The following TRIO variants were observed in gnomAD, a reference collection of about 807,000 sequenced individuals.
TRIO encodes the protein triple functional domain protein.
In TRIO, 58 loss-of-function variants were observed where a neutral mutation model predicts 351.9. The ratio of observed to expected loss-of-function variants is 0.16; its 90% CI spans 0.13 to 0.21. TRIO has a LOEUF of 0.21. Ranked by LOEUF, TRIO falls within the 10% of genes least tolerant of loss-of-function variation. The pLI is 1.00. For missense variants in TRIO, 3,201 were observed against 4,027.8 expected (o/e 0.79, Z 5.56); for synonymous variants, 1,758 against 1,595.7 (o/e 1.10, Z -2.42).
intron 48 of TRIO, chr5:14,488,941 A>T (rs750422201): frequency 3.9e-6 from 3 of 763,756 alleles, no homozygotes; most frequent in Non-Finnish European, 7.2e-6. Flanking sequence ...CCCATCACTC[A>T]TGCTGCCGTC....
chr5:14,459,459 C>T (rs1218185282), intron 34 of TRIO, among the ~76,000 whole-genome samples: 3 of 152,236 alleles, frequency 2.0e-5, no homozygotes, highest in Non-Finnish European at 4.4e-5. Context: ...AGCCCCTGAG[C>T]CAAGAGCTCA....
intron 30 of TRIO, 137 bp from the exon 31 acceptor site, chr5:14,400,826 A>G (rs1367548498): frequency 4.3e-6 from 3 of 700,510 alleles, no homozygotes; most frequent in South Asian, 1.8e-5. Context: ...TATAACTCAC[A>G]TGACAGCTGA....
chr5:14,299,775 A>C (rs1737695081), intron 7 of TRIO, among the ~76,000 whole-genome samples: 1 of 152,194 alleles, frequency 6.6e-6, no homozygotes, highest in Non-Finnish European at 1.5e-5. Flanking sequence ...CAGAGTGTTC[A>C]TGTGGAATTT....
chr5:14,366,753 C>CATCAGT, intron 15 of TRIO, 107 bp from the exon 16 acceptor site: 1 of 1,513,210 alleles, frequency 6.6e-7, no homozygotes, highest in South Asian at 1.3e-5. Flanking sequence ...TGCCTCGTAC[C>CATCAGT]TGCCAGGAGC....
At chr5:14,469,478 G>A (rs1056924691) in intron 37 of TRIO, among the ~76,000 whole-genome samples, 1 of 152,198 alleles carries the variant, frequency 6.6e-6, no homozygotes, top group Non-Finnish European at 1.5e-5. Context: ...GAATATTTCT[G>A]TAGACCTATC....
intron 33 of TRIO, among the ~76,000 whole-genome samples, chr5:14,409,557 G>GC (rs768112980): frequency 1.8e-4 from 28 of 152,138 alleles, no homozygotes; most frequent in Non-Finnish European, 3.2e-4. Context: ...GGTCGGCTGA[G>GC]CACGCGGTGG....
intron 34 of TRIO, among the ~76,000 whole-genome samples, chr5:14,454,032 C>T (rs369948635): frequency 6.6e-6 from 1 of 152,010 alleles, no homozygotes; most frequent in African/African-American, 2.4e-5. Context: ...TGGGTTCAAG[C>T]GACTCTCCTG....
intron 21 of TRIO, among the ~76,000 whole-genome samples, chr5:14,384,060 C>G (rs1746341063): frequency 6.6e-6 from 1 of 152,220 alleles, no homozygotes; most frequent in African/African-American, 2.4e-5. Flanking sequence ...ACGGGTCTTG[C>G]AGGCACCACC....
At chr5:14,145,248 A>G (rs1033180561) in intron 1 of TRIO, among the ~76,000 whole-genome samples, 9 of 152,212 alleles carry the variant, frequency 5.9e-5, no homozygotes, top group Non-Finnish European at 1.2e-4. Context: ...GGCGATGGTG[A>G]GAGGCAGAAG....
rs533393134 is a variant in TRIO at position 14,268,619 on chromosome 5, C to T, written c.158-2206C>T. On this transcript the variant is annotated intron_variant, in intron 1 of 56. Transcript: ENST00000344204. ...CATCTGAGCAACAGAAGGGGGAATC[C>T]TCCCTTCAAACAGATAGGGATCTAC... 6.6e-5 allele frequency among the ~76,000 whole-genome samples: 10 copies of T among 152,290 alleles called. No individual in the cohort carries two copies. The South Asian group carries it at 1.2e-3, about 19-fold the overall frequency.
Position 14,291,039 on chromosome 5 carries a change from CAGTGAA to C in TRIO, c.867_872del (p.Glu290_Ser291del), listed in dbSNP as rs777982215. 5 of 1,614,198 alleles carry C rather than the reference CAGTGAA, an allele frequency of 3.1e-6. No individual in the cohort carries two copies. Among genetic ancestry groups the C allele is most frequent in the Non-Finnish European group, 3.4e-6 (4 of 1,180,036 alleles). On this transcript the variant is annotated inframe_deletion, in exon 5 of 57. Coordinates refer to ENST00000344204, the MANE Select transcript of TRIO (RefSeq NM_007118.4). ...AGAAGCTGCTTCAGAGGATACAGAG[CAGTGAA>C]AGCTTTCCCAAAAAGAACTCAGGCT...
intron 34 of TRIO, among the ~76,000 whole-genome samples, chr5:14,423,690 G>A (rs1385398753): frequency 5.3e-5 from 8 of 152,290 alleles, no homozygotes; most frequent in South Asian, 2.1e-4. Context: ...GCAAATGAGC[G>A]TCTCTCACTC....
chr5:14,481,162 A>T (rs1579781394), intron 43 of TRIO, 72 bp from the exon 44 acceptor site: 3 of 422,886 alleles, frequency 7.1e-6, no homozygotes, highest in South Asian at 5.1e-5. Context: ...CCTGTCTCTT[A>T]AAAAAAAAAA....
chr5:14,225,602 C>T (rs185594308), intron 1 of TRIO, among the ~76,000 whole-genome samples: 60 of 152,240 alleles, frequency 3.9e-4, no homozygotes, highest in Middle Eastern at 6.8e-3. Context: ...CCTTGCCACA[C>T]GGCCTGCTGC....
chr5:14,439,012 GT>G (rs559207280), intron 34 of TRIO, among the ~76,000 whole-genome samples: 4,341 of 151,482 alleles, frequency 0.029, 88 homozygotes, highest in South Asian at 0.046. Context: ...GAACTTGAGG[GT>G]TTTTTTTTGT....
At chr5:14,189,449 C>A (rs779959828) in intron 1 of TRIO, among the ~76,000 whole-genome samples, 7 of 152,104 alleles carry the variant, frequency 4.6e-5, no homozygotes, top group African/African-American at 1.2e-4. Context: ...TTGAGGAGGG[C>A]GGAAAGAAGG....
Position 14,387,854 on chromosome 5 carries a change from C to T in TRIO, c.3881+7C>T. ...AATCTGCCCGCAGGAAAGAGTAAGC[C>T]AGTCTTTCAGAATCTACCAGGATTC... On this transcript the variant is annotated splice_region_variant and intron_variant, in intron 23 of 56. Transcript: ENST00000344204. 6.2e-7 allele frequency: 1 copy of T among 1,611,420 alleles called. No individual in the cohort carries two copies. The highest frequency in any genetic ancestry group is 8.5e-7 in the Non-Finnish European group (1 of 1,177,870).
chr5:14,442,243 A>G (rs1033595309), intron 34 of TRIO, among the ~76,000 whole-genome samples: 1 of 152,196 alleles, frequency 6.6e-6, no homozygotes, highest in Non-Finnish European at 1.5e-5. Context: ...GTCAGCCGTT[A>G]TCCGCGTATA....
chr5:14,197,191 C>T (rs1790831054), intron 1 of TRIO, among the ~76,000 whole-genome samples: 1 of 152,180 alleles, frequency 6.6e-6, no homozygotes, highest in East Asian at 1.9e-4. Context: ...GGAAGCTTTC[C>T]CCGCCCCTGT....
Sources: allele counts gnomAD v4.1 joint callset (sites outside exome capture counted in the v4.1 genomes callset), GRCh38; gene constraint gnomAD v4.1.1; transcripts MANE v1.5; gene names NCBI Gene and HGNC (gene_info 2026-07-23, HGNC 2026-07-21).